Variants in DNAH2 observed in about 807,000 individuals in gnomAD.
DNAH2 encodes the protein axonemal beta dynein heavy chain 2.
DNAH2 carries 323 observed loss-of-function variants against 523.5 expected under a neutral mutation model. The ratio of observed to expected loss-of-function variants is 0.62; its 90% CI spans 0.56 to 0.68. The LOEUF (loss-of-function observed/expected upper bound fraction) is 0.68. DNAH2 is among the 30% of genes least tolerant of loss of function. The probability of loss-of-function intolerance (pLI) is 0.00; values close to 1 mark genes in which losing one functional copy is unlikely to be tolerated. For synonymous variants in DNAH2, 2,093 were observed against 2,177.4 expected, an observed-to-expected ratio of 0.96 and a Z score of 1.08; for missense variants, 4,907 against 5,701.5, an observed-to-expected ratio of 0.86 and a Z score of 4.49.
At chr17:7,800,784 G>A (rs986490028) in intron 56 of DNAH2, among the ~76,000 whole-genome samples, 8 of 149,922 alleles carry the variant, frequency 5.3e-5, no homozygotes, top group Non-Finnish European at 7.4e-5. Flanking sequence ...GGAGAATGGC[G>A]TGAACCTGGG....
chr17:7,806,277 G>A (rs1050432298), intron 61 of DNAH2, among the ~76,000 whole-genome samples: 27 of 152,204 alleles, frequency 1.8e-4, no homozygotes, highest in African/African-American at 6.3e-4. Context: ...TAGGTTAGAT[G>A]CATTAAATGC....
chr17:7,720,810 T>A (rs1007112223), intron 2 of DNAH2, among the ~76,000 whole-genome samples: 1 of 152,076 alleles, frequency 6.6e-6, no homozygotes, highest in Admixed American at 6.6e-5. Flanking sequence ...AGTTCTGAAG[T>A]GCTCAGGTGA....
chr17:7,797,798 G>A lies in DNAH2; in HGVS notation c.8199G>A (p.Gln2733=), dbSNP rs2077107493. ...TGTCACCCTCTGTCGTGCCCATGCA[G>A]CTAGTGCTCTTCCGAGAGGCTATTG... ...YNLSPSVVPM[Q]LVLFREAIEH... is the part of the protein sequence containing the mutation. The change falls in exon 53 of 86, where the codon CAG becomes CAA. Residue 2733 remains glutamine (Q), a synonymous_variant. Transcript: ENST00000572933. 1.2e-6 allele frequency: 2 copies of A among 1,613,754 alleles called. No individual in the cohort carries two copies.
rs186120435 is a variant in DNAH2 at position 7,770,312 on chromosome 17, C to T, written c.4002C>T (p.Phe1334=). Residue 1334 remains phenylalanine (F), a synonymous_variant, in exon 25 of 86, where the codon TTC becomes TTT. Transcript: ENST00000572933. The part of the protein sequence containing the change: ...QREFDQESES[F]TLEQIVELGM... ...AGTTTGATCAGGAATCTGAAAGCTT[C>T]ACCTTGGAGCAGATTGTGGAGCTTG... is the stretch of plus-strand genomic sequence containing the variant. 7 of 1,613,886 alleles carry T rather than the reference C, an allele frequency of 4.3e-6. No homozygotes were observed. The East Asian group carries it at 1.6e-4, about 36-fold the overall frequency.
rs1461839020 is a variant in DNAH2 at position 7,775,365 on chromosome 17, G to A, written c.4821+23G>A. On this transcript the variant is annotated intron_variant, in intron 30 of 85. Coordinates refer to ENST00000572933, the MANE Select transcript of DNAH2 (RefSeq NM_020877.5). ...GAGGTGAGTTGTGGTGAGGGTCTGA[G>A]GACCTAGCTGATTCTTCTTCCTACA... 5 of 1,592,542 alleles carry A rather than the reference G, an allele frequency of 3.1e-6. No individual in the cohort carries two copies. In the African/African-American group the frequency reaches 5.4e-5, roughly 17 times the overall value.
At chr17:7,743,953 G>A (rs2075438052) in intron 12 of DNAH2, 1 of 152,198 alleles carries the variant, frequency 6.6e-6, no homozygotes, top group Non-Finnish European at 1.5e-5. Context: ...TGTACACAAC[G>A]GCCAAGTCCC....
At position 7,770,722 on chromosome 17, in the gene DNAH2, T is replaced by C. The variant is rs528060192; in HGVS notation, c.4182-31T>C. 21 of 1,613,922 alleles carry C rather than the reference T, an allele frequency of 1.3e-5. No individual in the cohort carries two copies. The South Asian group carries it at 2.0e-4, about 15-fold the overall frequency. The stretch of plus-strand genomic sequence containing the variant: ...GGGACCAAGGTTGGGCAGGTGGGGA[T>C]GAACTATGATTTTGACCCCTTGTGT... On this transcript the variant is annotated intron_variant, in intron 26 of 85. Transcript: ENST00000572933.
chr17:7,811,888 T>C (rs2077528298), intron 63 of DNAH2, among the ~76,000 whole-genome samples: 1 of 152,238 alleles, frequency 6.6e-6, no homozygotes. Context: ...GAAAAGGATG[T>C]TGTTCCTCAG....
At chr17:7,718,927 T>C (rs553138780) in intron 1 of DNAH2, 128 bp downstream of exon 1, 2 of 152,686 alleles carry the variant, frequency 1.3e-5, no homozygotes, top group South Asian at 2.1e-4. Context: ...GCTTGAATGA[T>C]TGAACAGTGA....
At chr17:7,774,262 A>C (rs1490847858) in intron 28 of DNAH2, among the ~76,000 whole-genome samples, 1 of 152,180 alleles carries the variant, frequency 6.6e-6, no homozygotes, top group East Asian at 1.9e-4. Flanking sequence ...CGAGAGGGCT[A>C]CTAAGTGACT....
At chr17:7,732,979 G>T in intron 4 of DNAH2, 108 bp from the exon 5 acceptor site, 1 of 1,037,350 alleles carries the variant, frequency 9.6e-7, no homozygotes, top group East Asian at 2.4e-5. Context: ...ATTTAGAGAA[G>T]GATCAGGATA....
rs199840170 is a variant in DNAH2, at chr17:7,833,239, G to A, written c.13129+18G>A. 10 of 1,606,494 alleles carry A rather than the reference G, an allele frequency of 6.2e-6. No homozygotes were observed. The African/African-American group carries it at 9.4e-5, about 15-fold the overall frequency. On this transcript the variant is annotated intron_variant, in intron 85 of 85. Transcript: ENST00000572933. ...CGCCAAGGGTGGGACAGCTCCCCAG[G>A]CAGGACCTGCCTGCCCCGTCCCTAG...
At chr17:7,752,741 A>G (rs145517756) in intron 12 of DNAH2, among the ~76,000 whole-genome samples, 1,582 of 152,294 alleles carry the variant, frequency 0.01, 5 homozygotes, top group African/African-American at 0.02. Context: ...GTTCAGTTTA[A>G]CTAACAAATC....
rs1379574666 is a variant in DNAH2 at position 7,768,056 on chromosome 17, T to A, written c.3832T>A (p.Tyr1278Asn). Reference protein sequence around the residue: ...FRRLTKLAKEYKDRNWEIIET... With the variant: ...FRRLTKLAKENKDRNWEIIET... The stretch of plus-strand genomic sequence containing the variant: ...TCGCCTCACAAAATTAGCCAAAGAG[T>A]ATAAGGTGGGGAGAAACGGCGGGGA... The change falls in exon 23 of 86, where the codon TAT becomes AAT. Residue 1278 changes from tyrosine to asparagine, a missense_variant. By Grantham distance (143) the Tyr-to-Asn change is moderately radical. Around this residue, in one of 3 missense-constraint regions of DNAH2, gnomAD observed 2,806 missense variants for 3,190.8 expected, o/e 0.88. Coordinates refer to ENST00000572933, the MANE Select transcript of DNAH2 (RefSeq NM_020877.5). The A allele has an allele frequency of 6.2e-7, 1 of 1,612,412 alleles. No individual in the cohort carries two copies. Among genetic ancestry groups the A allele is most frequent in the East Asian group, 2.2e-5 (1 of 44,818 alleles).
chr17:7,775,876 C>T, intron 30 of DNAH2, 148 bp from the exon 31 acceptor site: 1 of 1,065,190 alleles, frequency 9.4e-7, no homozygotes, highest in South Asian at 1.7e-5. Flanking sequence ...GCCTCCATTT[C>T]TCTCAGGAAC....
chr17:7,799,249 T>G lies in DNAH2; in HGVS notation c.8699+7T>G. On this transcript the variant is annotated splice_region_variant and intron_variant, in intron 56 of 85. Transcript: ENST00000572933. Reference sequence around the variant, plus strand: ...CCATGGGGGATCCCTTCAGGTGACTTCTGTGACATCCTTCTCTCAGCCCCT... The same window carrying G: ...CCATGGGGGATCCCTTCAGGTGACTGCTGTGACATCCTTCTCTCAGCCCCT... 1 of 1,613,456 alleles carries G rather than the reference T, an allele frequency of 6.2e-7. No individual in the cohort carries two copies. The highest frequency in any genetic ancestry group is 1.7e-5 in the Admixed American group (1 of 60,010).
At position 7,767,907 on chromosome 17, in the gene DNAH2, A is replaced by C; in HGVS notation, c.3683A>C (p.Asp1228Ala). 6.2e-7 allele frequency: 1 copy of C among 1,614,188 alleles called. No individual in the cohort carries two copies. The highest frequency in any genetic ancestry group is 8.5e-7 in the Non-Finnish European group (1 of 1,180,038). ...KDLQNLEKELDALQQIWEIAR... is the reference protein window; with the variant it reads ...KDLQNLEKELAALQQIWEIAR... ...CGCCTTTCTGCCCTGTAGGAGCTCGATGCCCTCCAGCAAATCTGGGAGATC... is the reference window on the plus strand; with the variant it reads ...CGCCTTTCTGCCCTGTAGGAGCTCGCTGCCCTCCAGCAAATCTGGGAGATC... The change falls in exon 23 of 86, where the codon GAT becomes GCT. Residue 1228 changes from aspartate (D) to alanine (A), a missense_variant. Asp to Ala is a moderately radical substitution (Grantham distance 126). Around this residue, in one of 3 missense-constraint regions of DNAH2, gnomAD observed 2,806 missense variants for 3,190.8 expected, o/e 0.88. Transcript: ENST00000572933.
At chr17:7,805,110 C>T (rs770470678) in intron 60 of DNAH2, 36 bp downstream of exon 60, 15 of 1,603,224 alleles carry the variant, frequency 9.4e-6, no homozygotes, top group African/African-American at 1.3e-5. Context: ...GAGCCAGGAA[C>T]GCGAGGCCCC....
intron 12 of DNAH2, 38 bp from the exon 13 acceptor site, chr17:7,757,045 ATCCCCTCG>A (rs1242496875): frequency 6.2e-7 from 1 of 1,609,918 alleles, no homozygotes; most frequent in South Asian, 1.1e-5. Context: ...GCTCTAGTTT[ATCCCCTCG>A]TGCGGTCCCC....
Sources: allele counts gnomAD v4.1 joint callset (sites outside exome capture counted in the v4.1 genomes callset), GRCh38; gene constraint gnomAD v4.1.1; regional missense constraint gnomAD v4.1.1; transcripts MANE v1.5; gene names NCBI Gene and HGNC (gene_info 2026-07-23, HGNC 2026-07-21).